Variants in FAM107B observed in about 807,000 individuals in gnomAD.
FAM107B encodes the protein protein FAM107B.
Under a neutral mutation model 31.5 loss-of-function variants are expected in FAM107B, and 21 were observed. The ratio of observed to expected loss-of-function variants is 0.67; its 90% confidence interval spans 0.47 to 0.96. The LOEUF is 0.96. Ranked by LOEUF, FAM107B falls within the 40% of genes least tolerant of loss-of-function variation. The pLI is 0.00. For missense variants in FAM107B, 452 were observed against 377.1 expected, an observed-to-expected ratio of 1.20 and a Z score of -1.64; for synonymous variants, 157 against 141.5, an observed-to-expected ratio of 1.11 and a Z score of -0.78.
chr10:14,683,429 G>T (rs1433520316), intron 1 of FAM107B, among the ~76,000 whole-genome samples: 1 of 152,186 alleles, frequency 6.6e-6, no homozygotes, highest in Admixed American at 6.5e-5. Context: ...CAAGAAAGCC[G>T]CAGGAACAAA....
intron 1 of FAM107B, among the ~76,000 whole-genome samples, chr10:14,696,381 T>A (rs971318969): frequency 6.6e-6 from 1 of 152,252 alleles, no homozygotes; most frequent in Non-Finnish European, 1.5e-5. Context: ...TATTCTTGGA[T>A]TCTATTTGCT....
intron 2 of FAM107B, among the ~76,000 whole-genome samples, chr10:14,595,146 G>A (rs188670418): frequency 6.6e-6 from 1 of 152,060 alleles, no homozygotes; most frequent in African/African-American, 2.4e-5. Context: ...CTGGACTGGG[G>A]GGAGGCTGCC....
chr10:14,672,438 T>C (rs1179527424), intron 1 of FAM107B, among the ~76,000 whole-genome samples: 2 of 152,250 alleles, frequency 1.3e-5, no homozygotes, highest in Non-Finnish European at 2.9e-5. Flanking sequence ...CACGATGATG[T>C]ACCAAGAATG....
chr10:14,548,764 G>A, intron 2 of FAM107B: 1 of 526,112 alleles, frequency 1.9e-6, no homozygotes, highest in Non-Finnish European at 2.4e-6. Context: ...CAGCAGGGAA[G>A]AGGGGATGGC....
At chr10:14,627,743 C>T (rs1588667715) in intron 2 of FAM107B, among the ~76,000 whole-genome samples, 1 of 151,990 alleles carries the variant, frequency 6.6e-6, no homozygotes, top group African/African-American at 2.4e-5. Flanking sequence ...TCTGCATCCT[C>T]GCCTGGGGGA....
intron 1 of FAM107B, among the ~76,000 whole-genome samples, chr10:14,711,695 G>A (rs575778079): frequency 3.1e-4 from 47 of 152,234 alleles, no homozygotes; most frequent in Non-Finnish European, 6.5e-4. Context: ...GCAGGCTGGG[G>A]TGCAGTGGTG....
intron 1 of FAM107B, among the ~76,000 whole-genome samples, chr10:14,740,616 T>C (rs187368995): frequency 5.3e-5 from 8 of 152,302 alleles, no homozygotes; most frequent in Admixed American, 5.2e-4. Flanking sequence ...TTAATAATAA[T>C]GAACTAATAT....
At chr10:14,607,809 C>A (rs865818698) in intron 2 of FAM107B, among the ~76,000 whole-genome samples, 1 of 152,168 alleles carries the variant, frequency 6.6e-6, no homozygotes, top group South Asian at 2.1e-4. Context: ...GGGAACACTC[C>A]GCTGAATGGT....
intron 2 of FAM107B, among the ~76,000 whole-genome samples, chr10:14,647,655 C>T (rs1189650197): frequency 7.0e-6 from 1 of 142,380 alleles, no homozygotes; most frequent in Non-Finnish European, 1.5e-5. Flanking sequence ...CATTGCACTC[C>T]AACCTGGGTG....
In FAM107B at chr10:14,603,181, G is replaced by A. The variant is rs567277200; in HGVS notation, c.469+64453C>T. 2.0e-3 allele frequency among the ~76,000 whole-genome samples: 303 copies of A among 151,980 alleles called. 3 individuals carry two copies. Among genetic ancestry groups the A allele is most frequent in the African/African-American group, 7.0e-3 (290 of 41,416 alleles). ...ATTTTCTCATGAAAAGTTTTAAACCGGAAACCAGCAGCGCTAAGAAATCTT... is the reference window on the plus strand; with the variant it reads ...ATTTTCTCATGAAAAGTTTTAAACCAGAAACCAGCAGCGCTAAGAAATCTT... On this transcript the variant is annotated intron_variant, in intron 2 of 4. Transcript: ENST00000181796.
intron 2 of FAM107B, among the ~76,000 whole-genome samples, chr10:14,576,992 C>T (rs1209386626): frequency 3.9e-5 from 6 of 152,136 alleles, no homozygotes; most frequent in Non-Finnish European, 7.3e-5. Flanking sequence ...TAATGCATGG[C>T]TTTTTTGATC....
At chr10:14,736,480 C>T (rs1398571391) in intron 1 of FAM107B, among the ~76,000 whole-genome samples, 1 of 152,198 alleles carries the variant, frequency 6.6e-6, no homozygotes, top group Non-Finnish European at 1.5e-5. Context: ...ATAATTAAGA[C>T]TCTATCCTTA....
intron 1 of FAM107B, among the ~76,000 whole-genome samples, chr10:14,743,581 GT>G (rs1245800443): frequency 6.6e-6 from 1 of 152,184 alleles, no homozygotes; most frequent in Non-Finnish European, 1.5e-5. Flanking sequence ...TGGCTAGCCA[GT>G]TCTCCCAGCA....
intron 3 of FAM107B, among the ~76,000 whole-genome samples, chr10:14,525,099 T>C (rs1846078960): frequency 1.3e-5 from 2 of 152,354 alleles, no homozygotes. Context: ...CTGTGCTGAA[T>C]GCAAAAAGTC....
At chr10:14,670,719 G>T (rs1367913605) in intron 1 of FAM107B, among the ~76,000 whole-genome samples, 3 of 152,106 alleles carry the variant, frequency 2.0e-5, no homozygotes, top group Admixed American at 1.3e-4. Context: ...CCTCCCTAAG[G>T]TTTCCCTTTG....
chr10:14,768,781 A>G (rs1044484344), intron 1 of FAM107B, among the ~76,000 whole-genome samples: 1 of 152,204 alleles, frequency 6.6e-6, no homozygotes, highest in Non-Finnish European at 1.5e-5. Flanking sequence ...TGATTTTCCA[A>G]TGGGGAGAAT....
chr10:14,735,162 C>T (rs1468834567), intron 1 of FAM107B, among the ~76,000 whole-genome samples: 1 of 152,216 alleles, frequency 6.6e-6, no homozygotes, highest in African/African-American at 2.4e-5. Context: ...GAGCCAACGG[C>T]CTTTTGTGAT....
At chr10:14,759,303 G>A (rs552013523) in intron 1 of FAM107B, among the ~76,000 whole-genome samples, 1 of 152,296 alleles carries the variant, frequency 6.6e-6, no homozygotes, top group South Asian at 2.1e-4. Context: ...CCAGCAGACT[G>A]ACTTTTATTT....
In FAM107B at chr10:14,704,028, G is replaced by A. The variant is rs541430228; in HGVS notation, c.412-36337C>T. 5.3e-5 allele frequency among the ~76,000 whole-genome samples: 8 copies of A among 152,310 alleles called. No homozygotes were observed. The South Asian group carries it at 1.7e-3, about 32-fold the overall frequency. On this transcript the variant is annotated intron_variant, in intron 1 of 4. Coordinates refer to ENST00000181796, the MANE Select transcript of FAM107B (RefSeq NM_031453.4). ...GTTCTCCTCCCAGTGGGTATTAAGT[G>A]AACCTTGTGGGTTTTGCACAAACCT...
Sources: gnomAD v4.1 joint callset for allele counts (sites outside exome capture counted in the v4.1 genomes callset) on GRCh38, gnomAD v4.1.1 for gene constraint, MANE v1.5 for transcripts, NCBI Gene and HGNC (gene_info 2026-07-23, HGNC 2026-07-21) for gene names.